Variants in MED13L observed in about 807,000 individuals in gnomAD.
MED13L encodes mediator of RNA polymerase II transcription subunit 13-like.
A neutral mutation model predicts 220.9 loss-of-function variants in MED13L; 7 were observed. That is an observed-to-expected ratio of 0.03 (90% CI 0.02 to 0.06). The LOEUF (loss-of-function observed/expected upper bound fraction) is 0.06, where lower values mean the gene tolerates loss of function less well. Ranked by LOEUF, MED13L falls within the 10% of genes least tolerant of loss-of-function variation. The pLI is 1.00. For missense variants in MED13L, 1,965 were observed against 2,760.5 expected (o/e 0.71, Z 6.46); for synonymous variants, 1,011 against 1,015.2 (o/e 1.00, Z 0.08).
At position 116,109,422 on chromosome 12, in the gene MED13L, TC is replaced by T. The variant is rs1468275133; in HGVS notation, c.395+2005del. On this transcript the variant is annotated intron_variant, in intron 3 of 30. Coordinates refer to ENST00000281928, the MANE Select transcript of MED13L (RefSeq NM_015335.5). ...CAGTTTTTCTGCTCTTCTAATTGTC[TC>T]TCGACAAAGAAACATGCTACCATTG... Among the ~76,000 whole-genome samples the T allele has an allele frequency of 3.9e-5, 6 of 152,196 alleles. No individual in the cohort carries two copies. The South Asian group carries it at 1.2e-3, about 32-fold the overall frequency.
In MED13L at chr12:115,991,991, C is replaced by CA; in HGVS notation, c.2997-35dup. 1 of 1,546,350 alleles carries CA rather than the reference C, an allele frequency of 6.5e-7. No homozygotes were observed. The highest frequency in any genetic ancestry group is 8.8e-7 in the Non-Finnish European group (1 of 1,136,878). On this transcript the variant is annotated intron_variant, in intron 16 of 30. Coordinates refer to ENST00000281928, the MANE Select transcript of MED13L (RefSeq NM_015335.5). The surrounding 1 kb of genome is among the most constrained non-coding windows in gnomAD (Gnocchi z 7.7). ...AGAGAAGGCACCAAGTGAGGAAGGG[C>CA]AGCATGTCACAGATGCTGAACTAGA...
intron 14 of MED13L, among the ~76,000 whole-genome samples, chr12:115,998,920 C>T (rs1878575713): frequency 6.6e-6 from 1 of 152,008 alleles, no homozygotes; most frequent in South Asian, 2.1e-4. Context: ...ACTAAAAATC[C>T]CAAGTTGATC....
intron 1 of MED13L, among the ~76,000 whole-genome samples, chr12:116,243,504 C>T (rs1181479964): frequency 6.6e-6 from 1 of 152,074 alleles, no homozygotes; most frequent in Non-Finnish European, 1.5e-5. Flanking sequence ...AAATGCACTT[C>T]CTAACTGACA....
chr12:116,162,408 T>C (rs944760448), intron 2 of MED13L, among the ~76,000 whole-genome samples: 1 of 152,154 alleles, frequency 6.6e-6, no homozygotes, highest in African/African-American at 2.4e-5. Flanking sequence ...TTTAATTTTG[T>C]CTTTTGACAC....
At chr12:116,231,338 T>C (rs1869537219) in intron 2 of MED13L, among the ~76,000 whole-genome samples, 1 of 152,228 alleles carries the variant, frequency 6.6e-6, no homozygotes, top group Non-Finnish European at 1.5e-5. Flanking sequence ...CTGTTTCTGA[T>C]GTGATGCCGT....
chr12:116,080,673 C>T (rs920423765), intron 4 of MED13L, among the ~76,000 whole-genome samples: 1 of 152,204 alleles, frequency 6.6e-6, no homozygotes, highest in African/African-American at 2.4e-5. Flanking sequence ...TCCGTGGTAG[C>T]TGTGATACAA....
At chr12:116,160,099 C>A (rs948784761) in intron 2 of MED13L, among the ~76,000 whole-genome samples, 1 of 152,136 alleles carries the variant, frequency 6.6e-6, no homozygotes, top group African/African-American at 2.4e-5. Context: ...ATAATTTATA[C>A]CATGTTTACA....
At chr12:116,162,937 A>G (rs1878997116) in intron 2 of MED13L, among the ~76,000 whole-genome samples, 1 of 152,208 alleles carries the variant, frequency 6.6e-6, no homozygotes, top group Non-Finnish European at 1.5e-5. Flanking sequence ...GTCTTGTTAT[A>G]TTGTCTAGGC....
intron 1 of MED13L, among the ~76,000 whole-genome samples, chr12:116,266,563 C>G (rs1872846849): frequency 6.6e-6 from 1 of 152,178 alleles, no homozygotes; most frequent in African/African-American, 2.4e-5. Context: ...GCTCCTGACA[C>G]CCTACATGAG....
chr12:116,147,889 AC>A (rs1417297736), intron 2 of MED13L, among the ~76,000 whole-genome samples: 1 of 151,660 alleles, frequency 6.6e-6, no homozygotes, highest in East Asian at 1.9e-4. Context: ...GGTTTTTTTA[AC>A]AAAAAAATTA....
rs1593047160 is a variant in MED13L at position 116,103,266 on chromosome 12, T to C, written c.396-6514A>G. Reference sequence around the variant, plus strand: ...ATAAAATTATGTACTTATTTATTTATGTTTAGAGACAGAGTCTCACTCTGT... The same window carrying C: ...ATAAAATTATGTACTTATTTATTTACGTTTAGAGACAGAGTCTCACTCTGT... On this transcript the variant is annotated intron_variant, in intron 3 of 30. Transcript: ENST00000281928. Among the ~76,000 whole-genome samples, 4 of 152,280 alleles carry C rather than the reference T, an allele frequency of 2.6e-5. No homozygotes were observed. The South Asian group carries it at 8.3e-4, about 32-fold the overall frequency.
chr12:116,272,201 T>A (rs1390459099), intron 1 of MED13L, among the ~76,000 whole-genome samples: 1 of 152,210 alleles, frequency 6.6e-6, no homozygotes, highest in Non-Finnish European at 1.5e-5. Flanking sequence ...ATTAACTTAG[T>A]TATCACAATT....
chr12:116,228,887 CA>C lies in MED13L; in HGVS notation c.310+8580del, dbSNP rs1421713392. On this transcript the variant is annotated intron_variant, in intron 2 of 30. Transcript: ENST00000281928. ...CTAAGAAAATATTTTGCTAAGCAAA[CA>C]AAAAAACCCTTTACCTATATCACTA... 3.3e-5 allele frequency among the ~76,000 whole-genome samples: 5 copies of C among 152,122 alleles called. 1 individual carries two copies. In the East Asian group the frequency reaches 5.8e-4, roughly 18 times the overall value.
In MED13L at chr12:115,969,023, G is replaced by A. The variant is rs1329619841; in HGVS notation, c.6142C>T (p.His2048Tyr). 6.2e-7 allele frequency: 1 copy of A among 1,613,850 alleles called. No homozygotes were observed. Among genetic ancestry groups the A allele is most frequent in the African/African-American group, 1.3e-5 (1 of 74,924 alleles). Residue 2048 changes from histidine to tyrosine, a missense_variant, in exon 28 of 31, where the codon CAT (histidine) becomes TAT (tyrosine). By Grantham distance (83) the His-to-Tyr change is moderately conservative. Transcript: ENST00000281928. ...ACTGGGGAAGAGTTGGGAGAGGAAT[G>A]GAGGTTCCCAGTCATTAATATGCCA... The part of the protein sequence containing the change: ...DIGILMTGNL[H>Y]SSPNSSPVPS...
At chr12:116,168,097 C>T (rs1240952754) in intron 2 of MED13L, among the ~76,000 whole-genome samples, 2 of 152,086 alleles carry the variant, frequency 1.3e-5, no homozygotes, top group African/African-American at 4.8e-5. Flanking sequence ...ATCACCATCA[C>T]CTACTGAACC....
chr12:115,998,999 C>G (rs1878579711), intron 14 of MED13L, among the ~76,000 whole-genome samples: 1 of 152,092 alleles, frequency 6.6e-6, no homozygotes, highest in African/African-American at 2.4e-5. Context: ...TGGCAGAAAA[C>G]TATTTGAGAG....
Position 115,991,153 on chromosome 12 carries a change from A to G in MED13L, c.3801T>C (p.Asp1267=). The change falls in exon 17 of 31, where the codon GAT becomes GAC. Residue 1267 remains aspartate (D), a synonymous_variant. Coordinates refer to ENST00000281928, the MANE Select transcript of MED13L (RefSeq NM_015335.5). This position sits in a 1 kb window ranked among gnomAD's most constrained non-coding sequence, Gnocchi z 7.7. The part of the protein sequence containing the change: ...VSWSYDRVQA[D]NNDYWTECFN... The stretch of plus-strand genomic sequence containing the variant: ...AGCATTCCGTCCAGTAATCATTATT[A>G]TCTGCTTGCACCCGGTCATAACTCC... The G allele has an allele frequency of 1.2e-6, 2 of 1,614,200 alleles. No individual in the cohort carries two copies. Among genetic ancestry groups the G allele is most frequent in the Non-Finnish European group, 1.7e-6 (2 of 1,180,040 alleles).
chr12:116,020,862 T>G (rs1277671017), intron 5 of MED13L, among the ~76,000 whole-genome samples: 1 of 152,162 alleles, frequency 6.6e-6, no homozygotes, highest in South Asian at 2.1e-4. Flanking sequence ...AGCATGGTCA[T>G]TAAACGGAAT....
chr12:116,252,813 G>C (rs549358143), intron 1 of MED13L, among the ~76,000 whole-genome samples: 1 of 152,056 alleles, frequency 6.6e-6, no homozygotes, highest in South Asian at 2.1e-4. Flanking sequence ...GGAAAAAAAA[G>C]GGGAGGCATT....
Sources: gnomAD v4.1 joint callset for allele counts (sites outside exome capture counted in the v4.1 genomes callset) on GRCh38, gnomAD v4.1.1 for gene constraint, Gnocchi (gnomAD v3.1) non-coding constraint, MANE v1.5 for transcripts, NCBI Gene and HGNC (gene_info 2026-07-23, HGNC 2026-07-21) for gene names.